FAM149A: variants seen among roughly 807,000 people sequenced by gnomAD.
The protein encoded by FAM149A is family with sequence similarity 149 member A.
A neutral mutation model predicts 78.2 loss-of-function variants in FAM149A; 71 were observed. The observed-to-expected ratio is 0.91, with a 90% CI of 0.75 to 1.11. The LOEUF (loss-of-function observed/expected upper bound fraction) is 1.11. Among genes scored for constraint, FAM149A ranks in the 50% least tolerant of loss-of-function variants. The pLI is 0.00. For synonymous variants in FAM149A, 446 were observed against 410.5 expected (o/e 1.09, Z -1.04); for missense variants, 1,036 against 971.0 (o/e 1.07, Z -0.89).
chr4:186,130,293 C>CTCTCTCTCTCTCTCTCTCTCTA, intron 1 of FAM149A: 155 of 46,544 alleles, frequency 3.3e-3, no homozygotes, highest in East Asian at 9.2e-3. Context: ...CTCTCTCTCT[C>CTCTCTCTCTCTCTCTCTCTCTA]TATATATATA....
At chr4:186,146,574 A>C in intron 1 of FAM149A, 1 of 932,894 alleles carries the variant, frequency 1.1e-6, no homozygotes, top group Non-Finnish European at 1.3e-6. Flanking sequence ...TAAATTATTC[A>C]TTGAAACAAA....
chr4:186,151,398 G>C (rs1325127846), intron 3 of FAM149A, among the ~76,000 whole-genome samples: 2 of 152,078 alleles, frequency 1.3e-5, no homozygotes, highest in Non-Finnish European at 2.9e-5. Flanking sequence ...GATAACTAAG[G>C]ATTTTTTTTT....
Position 186,105,520 on chromosome 4 carries a change from C to T in FAM149A, c.444C>T (p.Gly148=), listed in dbSNP as rs773275347. The change falls in exon 1 of 14, where the codon GGC becomes GGT. Residue 148 remains glycine (G), a synonymous_variant. Transcript: ENST00000389354. The stretch of plus-strand genomic sequence containing the variant: ...TCCCCAGGAACCCGCTCCAGCCTGG[C>T]CCCGGAGAGCGAGAGCTCGGCGCCT... 119 of 1,155,494 alleles carry T rather than the reference C, an allele frequency of 1.0e-4. No homozygotes were observed. Among genetic ancestry groups the T allele is most frequent in the Non-Finnish European group, 2.9e-5 (27 of 932,202 alleles). 71.6% of individuals were successfully genotyped at this position (1,155,494 alleles called of 1,614,324 possible).
chr4:186,158,391 G>T, intron 8 of FAM149A: 1 of 1,196,860 alleles, frequency 8.4e-7, no homozygotes, highest in East Asian at 5.3e-5. Context: ...CTCACTCAGT[G>T]GGCCTGAAGG....
chr4:186,126,658 A>G (rs9998530), intron 1 of FAM149A, among the ~76,000 whole-genome samples: 36,340 of 151,964 alleles, frequency 0.24, 4,690 homozygotes, highest in African/African-American at 0.31. Flanking sequence ...GACTGGGGGA[A>G]GTCACGCCAT....
At chr4:186,125,139 T>C (rs1269089742) in intron 1 of FAM149A, 1 of 403,576 alleles carries the variant, frequency 2.5e-6, no homozygotes, top group Non-Finnish European at 3.4e-6. Flanking sequence ...AGTGTGGTCA[T>C]GTGTCCACAG....
chr4:186,152,428 G>A (rs1733656761), intron 4 of FAM149A, among the ~76,000 whole-genome samples: 1 of 151,998 alleles, frequency 6.6e-6, no homozygotes, highest in Admixed American at 6.6e-5. Context: ...CTGGATAGAT[G>A]GGTCTTCCCA....
chr4:186,157,655 G>GC lies in FAM149A; in HGVS notation c.1517dup (p.Ser507ValfsTer29). 1.9e-6 allele frequency: 3 copies of GC among 1,614,044 alleles called. No individual in the cohort carries two copies. The highest frequency in any genetic ancestry group is 1.1e-5 in the South Asian group (1 of 91,058). On this transcript the variant is annotated frameshift_variant, in exon 8 of 14. Coordinates refer to ENST00000389354, the MANE Select transcript of FAM149A (RefSeq NM_001367768.3). LOFTEE classifies it high-confidence loss of function. ...CACGCTCACGCCGATGGAGCCAGTG[G>GC]CCCCCCGTCCGGACACGCCGAGGCT...
intron 1 of FAM149A, among the ~76,000 whole-genome samples, chr4:186,121,914 T>G (rs2099316228): frequency 6.6e-6 from 1 of 152,176 alleles, no homozygotes; most frequent in Admixed American, 6.5e-5. Context: ...GCCCCTGTGA[T>G]TTATCTGCCT....
At chr4:186,143,815 G>C (rs1460548939) in intron 1 of FAM149A, among the ~76,000 whole-genome samples, 1 of 152,208 alleles carries the variant, frequency 6.6e-6, no homozygotes, top group East Asian at 1.9e-4. Context: ...ACAGGCGTGA[G>C]CCACCCTGGC....
Position 186,157,616 on chromosome 4 carries a change from A to C in FAM149A, c.1472A>C (p.His491Pro). ...AAAGTGGCTGGAAACAGATTTCCGC[A>C]CGTCCTCGTTCCACACGCTCACGCC... The change falls in exon 8 of 14, where the codon CAC becomes CCC. Residue 491 changes from histidine to proline, a missense_variant. His to Pro is a moderately conservative substitution (Grantham distance 77, BLOSUM62 -2). Around this residue, in one of 3 missense-constraint regions of FAM149A, gnomAD observed 716 missense variants for 711.8 expected, o/e 1.01. Transcript: ENST00000389354. The C allele has an allele frequency of 6.2e-7, 1 of 1,614,210 alleles. No homozygotes were observed. Among genetic ancestry groups the C allele is most frequent in the Non-Finnish European group, 8.5e-7 (1 of 1,180,010 alleles).
chr4:186,132,000 T>C (rs2099320933), intron 1 of FAM149A: 4 of 985,354 alleles, frequency 4.1e-6, no homozygotes, highest in Admixed American at 6.1e-5. Flanking sequence ...TGGGTTTAGC[T>C]TCTGTTCTAG....
intron 9 of FAM149A, 42 bp downstream of exon 9, chr4:186,162,990 G>A (rs1382074596): frequency 3.5e-6 from 4 of 1,146,150 alleles, no homozygotes; most frequent in Non-Finnish European, 2.6e-6. Flanking sequence ...CCTCTTCCCT[G>A]TGCTGCAAAC....
intron 4 of FAM149A, among the ~76,000 whole-genome samples, chr4:186,152,539 C>CTTTTTTTTTTTTTTTTTTTTT (rs10718602): frequency 9.1e-5 from 8 of 88,284 alleles, no homozygotes; most frequent in Admixed American, 1.6e-4. Context: ...TTTCTTTTTG[C>CTTTTTTTTTTTTTTTTTTTTT]TTTTTTTTTT....
chr4:186,115,502 T>C (rs915534943), intron 1 of FAM149A, among the ~76,000 whole-genome samples: 1 of 71,116 alleles, frequency 1.4e-5, no homozygotes, highest in Non-Finnish European at 2.8e-5. Context: ...TTTTCTGTTC[T>C]GTTTTTTCCC....
intron 1 of FAM149A, chr4:186,130,287 C>CTATATA (rs1324375458): frequency 1.2e-3 from 47 of 38,200 alleles, no homozygotes; most frequent in East Asian, 7.7e-3. Flanking sequence ...CTCTCTCTCT[C>CTATATA]TCTCTCTATA....
rs547174824 is a variant in FAM149A, at chr4:186,128,999, G to T, written c.567-20174G>T. Among the ~76,000 whole-genome samples the T allele has an allele frequency of 3.3e-5, 5 of 151,918 alleles. No individual in the cohort carries two copies. The South Asian group carries it at 6.3e-4, about 19-fold the overall frequency. ...TTTTGGTGTGTGTGTGTCCACGTAT[G>T]AGCCTGTATCTGTATGTGTGCCTGC... On this transcript the variant is annotated intron_variant, in intron 1 of 13. Coordinates refer to ENST00000389354, the MANE Select transcript of FAM149A (RefSeq NM_001367768.3).
At chr4:186,136,441 A>T (rs1233250391) in intron 1 of FAM149A, among the ~76,000 whole-genome samples, 1 of 152,194 alleles carries the variant, frequency 6.6e-6, no homozygotes, top group Non-Finnish European at 1.5e-5. Flanking sequence ...TATAATATGG[A>T]CAATTTCATA....
rs1160971257 is a variant in FAM149A, at chr4:186,166,948, A to G, written c.2011-20A>G. 2 of 1,602,464 alleles carry G rather than the reference A, an allele frequency of 1.2e-6. No homozygotes were observed. The highest frequency in any genetic ancestry group is 2.2e-5 in the East Asian group (1 of 44,680). ...AGGATTGCATTTATTTTAAACAAGA[A>G]CATACTATCCTTCATTTAGTACAGA... On this transcript the variant is annotated intron_variant, in intron 11 of 13. Transcript: ENST00000389354.
Sources: gnomAD v4.1 joint callset for allele counts (sites outside exome capture counted in the v4.1 genomes callset) on GRCh38, gnomAD v4.1.1 for gene constraint, gnomAD v4.1.1 regional missense constraint, MANE v1.5 for transcripts, NCBI Gene and HGNC (gene_info 2026-07-23, HGNC 2026-07-21) for gene names.